Variants in KCNK10 observed in about 807,000 individuals in gnomAD.
The protein encoded by KCNK10 is potassium channel subfamily K member 10.
KCNK10 carries 25 observed loss-of-function variants against 47.7 expected under a neutral mutation model. That is an observed-to-expected ratio of 0.52 (90% CI 0.38 to 0.73). The LOEUF is 0.73. Ranked by LOEUF, KCNK10 falls within the 30% of genes least tolerant of loss-of-function variation. The pLI is 0.00. For synonymous variants in KCNK10, 303 were observed against 285.6 expected, an observed-to-expected ratio of 1.06 and a Z score of -0.61; for missense variants, 563 against 714.5, an observed-to-expected ratio of 0.79 and a Z score of 2.42.
chr14:88,233,162 T>C (rs551911290), intron 3 of KCNK10, among the ~76,000 whole-genome samples: 4 of 152,238 alleles, frequency 2.6e-5, no homozygotes, highest in South Asian at 2.1e-4. Context: ...TTGACCCCAG[T>C]AAATAGAAGG....
intron 3 of KCNK10, among the ~76,000 whole-genome samples, chr14:88,231,253 C>G (rs1374432842): frequency 6.6e-6 from 1 of 151,704 alleles, no homozygotes; most frequent in African/African-American, 2.4e-5. Flanking sequence ...CACTCCAGCC[C>G]AGGCAACAAA....
intron 5 of KCNK10, among the ~76,000 whole-genome samples, chr14:88,190,638 C>G (rs1382296297): frequency 6.6e-6 from 1 of 151,580 alleles, no homozygotes; most frequent in Non-Finnish European, 1.5e-5. Flanking sequence ...TAGTTAAAAG[C>G]TAAAAAAAAC....
At position 88,323,005 on chromosome 14, in the gene KCNK10, C is replaced by T. The variant is rs999506725; in HGVS notation, c.-207G>A. Reference sequence around the variant, plus strand: ...CTGGAGAGGGCTTGGGTGTTTGCACCGGCCAGGGGGTGGCCGGCCGCGGCC... The same window carrying T: ...CTGGAGAGGGCTTGGGTGTTTGCACTGGCCAGGGGGTGGCCGGCCGCGGCC... On this transcript the variant is annotated 5_prime_UTR_variant, in exon 1 of 7. Coordinates refer to ENST00000319231, the MANE Select transcript of KCNK10 (RefSeq NM_138317.3). 2.9e-6 allele frequency: 4 copies of T among 1,388,744 alleles called. No individual in the cohort carries two copies. Among genetic ancestry groups the T allele is most frequent in the Middle Eastern group, 2.6e-4 (1 of 3,898 alleles). 86.0% of individuals were successfully genotyped at this position (1,388,744 alleles called of 1,614,324 possible). A position where few individuals can be genotyped will look rare whatever the true frequency, so the allele number is the denominator to read the frequency against.
At position 88,186,946 on chromosome 14, in the gene KCNK10, A is replaced by G. The variant is rs1884582516; in HGVS notation, c.1012-791T>C. 6.6e-6 allele frequency among the ~76,000 whole-genome samples: 1 copy of G among 152,232 alleles called. No homozygotes were observed. Among genetic ancestry groups the G allele is most frequent in the Non-Finnish European group, 1.5e-5 (1 of 68,042 alleles). On this transcript the variant is annotated intron_variant, in intron 6 of 6. Transcript: ENST00000319231. The surrounding 1 kb of genome is among the most constrained non-coding windows in gnomAD (Gnocchi z 5.5). ...GCACCAAATTTCTTGGCTCTTAATG[A>G]ACAGGGCAGACAGTATAAGTCCCAT...
intron 4 of KCNK10, among the ~76,000 whole-genome samples, chr14:88,201,452 G>A (rs958401199): frequency 6.6e-6 from 1 of 152,118 alleles, no homozygotes; most frequent in Non-Finnish European, 1.5e-5. Context: ...TTGAGGTCAG[G>A]AGTTCGAGAC....
Position 88,308,523 on chromosome 14 carries a change from C to T in KCNK10, c.52+14224G>A, listed in dbSNP as rs570985020. Among the ~76,000 whole-genome samples the T allele has an allele frequency of 2.6e-5, 4 of 152,362 alleles. No homozygotes were observed. The South Asian group carries it at 8.3e-4, about 32-fold the overall frequency. ...GTAAATTTAGACACTTTGGAAATCA[C>T]GTGTAGCAAAAAGTTACTATCTGCT... is the stretch of plus-strand genomic sequence containing the variant. On this transcript the variant is annotated intron_variant, in intron 1 of 6. Transcript: ENST00000319231.
At chr14:88,205,254 G>A (rs571807163) in intron 4 of KCNK10, among the ~76,000 whole-genome samples, 34 of 152,108 alleles carry the variant, frequency 2.2e-4, no homozygotes, top group Non-Finnish European at 4.0e-4. Context: ...CCCTTTTAAG[G>A]GCTGTTCCAT....
rs1274701010 is a variant in KCNK10 at position 88,260,539 on chromosome 14, T to C, written c.402+2663A>G. Among the ~76,000 whole-genome samples the C allele has an allele frequency of 6.6e-6, 1 of 152,184 alleles. No homozygotes were observed. Among genetic ancestry groups the C allele is most frequent in the Non-Finnish European group, 1.5e-5 (1 of 68,024 alleles). On this transcript the variant is annotated intron_variant, in intron 2 of 6. Transcript: ENST00000319231. The surrounding 1 kb of genome is among the most constrained non-coding windows in gnomAD (Gnocchi z 4.5). Reference sequence around the variant, plus strand: ...GAGCTTATTATAAACCAAGATCTACTTAAAGGGCCTGTAGACTATTTGGAT... The same window carrying C: ...GAGCTTATTATAAACCAAGATCTACCTAAAGGGCCTGTAGACTATTTGGAT...
At chr14:88,296,070 T>C (rs1253931394) in intron 1 of KCNK10, among the ~76,000 whole-genome samples, 1 of 152,200 alleles carries the variant, frequency 6.6e-6, no homozygotes, top group Non-Finnish European at 1.5e-5. Context: ...ATTCCAGGTA[T>C]TGGTAGAATC....
At chr14:88,297,848 A>C (rs920669322) in intron 1 of KCNK10, among the ~76,000 whole-genome samples, 2 of 152,250 alleles carry the variant, frequency 1.3e-5, no homozygotes, top group Non-Finnish European at 2.9e-5. Flanking sequence ...ACTATGCATG[A>C]AAATGAATGG....
At chr14:88,275,766 C>G (rs528689185) in intron 1 of KCNK10, among the ~76,000 whole-genome samples, 1 of 150,714 alleles carries the variant, frequency 6.6e-6, no homozygotes, top group Admixed American at 6.6e-5. Flanking sequence ...ACTTGGGAGG[C>G]TGAGGCTGGA....
intron 4 of KCNK10, among the ~76,000 whole-genome samples, chr14:88,213,251 T>C (rs576536217): frequency 4.3e-4 from 66 of 152,212 alleles, no homozygotes; most frequent in Non-Finnish European, 8.2e-4. Context: ...ATTGCTTGCT[T>C]GGCTCACAGA....
At chr14:88,280,459 C>T (rs571228911) in intron 1 of KCNK10, among the ~76,000 whole-genome samples, 3 of 152,252 alleles carry the variant, frequency 2.0e-5, no homozygotes, top group East Asian at 3.9e-4. Flanking sequence ...TGATGGCTCC[C>T]AGGTCTATAC....
chr14:88,222,925 T>C (rs1234037828), intron 4 of KCNK10, among the ~76,000 whole-genome samples: 2 of 152,202 alleles, frequency 1.3e-5, no homozygotes, highest in African/African-American at 4.8e-5. Context: ...TGAGTCAACG[T>C]ACCTCCAGGC....
At chr14:88,187,726 T>C (rs1884617542) in intron 6 of KCNK10, among the ~76,000 whole-genome samples, 1 of 152,114 alleles carries the variant, frequency 6.6e-6, no homozygotes, top group South Asian at 2.1e-4. Flanking sequence ...CCAGGATTTA[T>C]GGGCTGGTAA....
chr14:88,216,394 T>C (rs1407262510), intron 4 of KCNK10, among the ~76,000 whole-genome samples: 1 of 152,150 alleles, frequency 6.6e-6, no homozygotes, highest in African/African-American at 2.4e-5. Flanking sequence ...TGAGGACACA[T>C]TTAGTAATGT....
Position 88,322,307 on chromosome 14 carries a change from A to C in KCNK10, c.52+440T>G, listed in dbSNP as rs187454098. Among the ~76,000 whole-genome samples, 7 of 152,078 alleles carry C rather than the reference A, an allele frequency of 4.6e-5. No homozygotes were observed. The East Asian group carries it at 1.4e-3, about 30-fold the overall frequency. On this transcript the variant is annotated intron_variant, in intron 1 of 6. Coordinates refer to ENST00000319231, the MANE Select transcript of KCNK10 (RefSeq NM_138317.3). This position sits in a 1 kb window ranked among gnomAD's most constrained non-coding sequence, Gnocchi z 4.8. The stretch of plus-strand genomic sequence containing the variant: ...CTCGAGCCCCACTTGCTGCCAGGAA[A>C]CCTTTCCCACTGAGGACACCCGGGC...
intron 1 of KCNK10, among the ~76,000 whole-genome samples, chr14:88,276,179 G>C (rs1002732192): frequency 4.6e-5 from 7 of 151,896 alleles, no homozygotes; most frequent in African/African-American, 1.7e-4. Context: ...CAATGTGACG[G>C]GATTAGGAGG....
intron 1 of KCNK10, among the ~76,000 whole-genome samples, chr14:88,303,853 T>G (rs1364030627): frequency 1.3e-5 from 2 of 152,098 alleles, no homozygotes; most frequent in Admixed American, 6.5e-5. Flanking sequence ...CTAAAAAAAC[T>G]CCCTCCAATG....
Sources: allele counts gnomAD v4.1 joint callset (sites outside exome capture counted in the v4.1 genomes callset), GRCh38; gene constraint gnomAD v4.1.1; non-coding constraint Gnocchi (gnomAD v3.1); transcripts MANE v1.5; gene names NCBI Gene and HGNC (gene_info 2026-07-23, HGNC 2026-07-21).